The following UGT1A6 variants were observed in gnomAD, a reference collection of about 807,000 sequenced individuals.
UGT1A6 encodes the protein UDP-glucuronosyltransferase 1A6.
A neutral mutation model predicts 44.4 loss-of-function variants in UGT1A6; 32 were observed. The ratio of observed to expected loss-of-function variants is 0.72; its 90% confidence interval spans 0.54 to 0.97. The LOEUF is 0.97. Ranked by LOEUF, UGT1A6 falls within the 50% of genes least tolerant of loss-of-function variation. The pLI, the probability that UGT1A6 is intolerant of heterozygous loss-of-function variation, is 0.00. For synonymous variants in UGT1A6, 238 were observed against 248.5 expected (o/e 0.96, Z 0.40); for missense variants, 685 against 661.9 (o/e 1.03, Z -0.38).
intron 3 of UGT1A6, 27 bp downstream of exon 3, chr2:233,767,963 G>A: frequency 1.2e-6 from 2 of 1,614,136 alleles, no homozygotes; most frequent in Non-Finnish European, 1.7e-6. Context: ...GGATGTATAG[G>A]TCAAACCAGG....
At chr2:233,694,868 T>C (rs2075244485) in intron 1 of UGT1A6, among the ~76,000 whole-genome samples, 3 of 152,222 alleles carry the variant, frequency 2.0e-5, no homozygotes, top group Non-Finnish European at 4.4e-5. Flanking sequence ...ATAATATAGT[T>C]GTACACATTT....
intron 1 of UGT1A6, among the ~76,000 whole-genome samples, chr2:233,705,875 G>C (rs923785055): frequency 6.6e-6 from 1 of 152,126 alleles, no homozygotes; most frequent in Non-Finnish European, 1.5e-5. Flanking sequence ...ATCACTTGAG[G>C]CCAGGAGTTC....
chr2:233,755,082 T>A (rs971081603), intron 1 of UGT1A6: 2 of 1,336,596 alleles, frequency 1.5e-6, no homozygotes, highest in South Asian at 2.3e-5. Flanking sequence ...GTCATAGATA[T>A]CGCGTTTCTA....
At position 233,743,636 on chromosome 2, in the gene UGT1A6, C is replaced by T. The variant is rs764566878; in HGVS notation, c.862-23398C>T. 27 of 1,367,194 alleles carry T rather than the reference C, an allele frequency of 2.0e-5. 2 individuals are homozygous for T. The African/African-American group carries it at 2.2e-4, about 11-fold the overall frequency. The allele number at this position is 1,367,194 out of a possible 1,614,324, so 84.7% of individuals were successfully genotyped here. A position where few individuals can be genotyped will look rare whatever the true frequency, so the allele number is the denominator to read the frequency against. On this transcript the variant is annotated intron_variant, in intron 1 of 4. Transcript: ENST00000305139. Reference sequence around the variant, plus strand: ...CTCCCTGAAGACGTCGGCTGGGTCGCGGAAGCTGAAGACGTACTCGAAGGG... The same window carrying T: ...CTCCCTGAAGACGTCGGCTGGGTCGTGGAAGCTGAAGACGTACTCGAAGGG...
chr2:233,701,221 T>G (rs910268891), intron 1 of UGT1A6, among the ~76,000 whole-genome samples: 4 of 152,182 alleles, frequency 2.6e-5, no homozygotes, highest in Non-Finnish European at 4.4e-5. Context: ...TTATAATCCT[T>G]TGGGTATATA....
intron 1 of UGT1A6, among the ~76,000 whole-genome samples, chr2:233,727,898 G>T (rs1417233158): frequency 6.6e-6 from 1 of 152,198 alleles, no homozygotes; most frequent in Admixed American, 6.5e-5. Flanking sequence ...ACACGGCCAG[G>T]CAAGAAGACA....
intron 1 of UGT1A6, among the ~76,000 whole-genome samples, chr2:233,711,305 A>G (rs1408728006): frequency 6.6e-6 from 1 of 152,220 alleles, no homozygotes; most frequent in African/African-American, 2.4e-5. Context: ...AAATTAGATG[A>G]CATTGGTGTC....
intron 1 of UGT1A6, among the ~76,000 whole-genome samples, chr2:233,709,696 T>C (rs554703505): frequency 1.5e-4 from 23 of 152,216 alleles, no homozygotes; most frequent in Non-Finnish European, 2.6e-4. Flanking sequence ...TGGGAAAATT[T>C]TGTTCTTTTT....
intron 1 of UGT1A6, chr2:233,718,673 G>A (rs1477051570): frequency 1.3e-5 from 21 of 1,556,176 alleles, no homozygotes; most frequent in Non-Finnish European, 1.7e-5. Flanking sequence ...AGATTAATGG[G>A]TAATAAGTAA....
chr2:233,746,671 G>C (rs1345040800), intron 1 of UGT1A6, among the ~76,000 whole-genome samples: 1 of 151,792 alleles, frequency 6.6e-6, no homozygotes, highest in East Asian at 1.9e-4. Flanking sequence ...TCCTAGCATA[G>C]TAGGTAGGGC....
chr2:233,718,959 G>T (rs2076705502), intron 1 of UGT1A6: 9 of 1,614,212 alleles, frequency 5.6e-6, no homozygotes, highest in Non-Finnish European at 7.6e-6. Flanking sequence ...CATGCGGGAG[G>T]CCTTGCGGGA....
intron 1 of UGT1A6, chr2:233,752,620 G>A (rs1390592836): frequency 7.2e-5 from 11 of 152,184 alleles, no homozygotes; most frequent in Non-Finnish European, 2.9e-5. Flanking sequence ...TTAGCTAGGT[G>A]TGGTAGCTGT....
rs144217005 is a variant in UGT1A6 at position 233,760,613 on chromosome 2, T to C, written c.862-6421T>C. The C allele has an allele frequency of 1.5e-4, 247 of 1,614,256 alleles. No individual in the cohort carries two copies. In the African/African-American group the frequency reaches 3.0e-3, roughly 20 times the overall value. On this transcript the variant is annotated intron_variant, in intron 1 of 4. Transcript: ENST00000305139. The stretch of plus-strand genomic sequence containing the variant: ...GAGAATGATTCTTTCCTGCAGCGTG[T>C]GATCAAAACATACAAGAAAATAAAA...
chr2:233,768,376 A>G lies in UGT1A6; in HGVS notation c.1238A>G (p.Asn413Ser). The G allele has an allele frequency of 6.2e-7, 1 of 1,614,182 alleles. No homozygotes were observed. The highest frequency in any genetic ancestry group is 8.5e-7 in the Non-Finnish European group (1 of 1,180,034). ...ACTAAGGGAGCTGGAGTGACCCTGA[A>G]TGTTCTGGAAATGACTTCTGAAGAT... is the stretch of plus-strand genomic sequence containing the variant. ...METKGAGVTLNVLEMTSEDLE... is the reference protein window; with the variant it reads ...METKGAGVTLSVLEMTSEDLE... Residue 413 changes from asparagine (N) to serine (S), a missense_variant, in exon 4 of 5, where the codon AAT becomes AGT. Physicochemically the swap from Asn to Ser is conservative, Grantham distance 46 (BLOSUM62 1). Transcript: ENST00000305139.
chr2:233,743,914 C>T lies in UGT1A6; in HGVS notation c.862-23120C>T, dbSNP rs201448352. On this transcript the variant is annotated intron_variant, in intron 1 of 4. Coordinates refer to ENST00000305139, the MANE Select transcript of UGT1A6 (RefSeq NM_001072.4). ...CGTCCAGCACCTCGTAGTAGTCCAC[C>T]ATGCTGGATGGCCAGAACGGCCCAC... is the stretch of plus-strand genomic sequence containing the variant. 797 of 1,364,624 alleles carry T rather than the reference C, an allele frequency of 5.8e-4. 20 individuals are homozygous for T. In the African/African-American group the frequency reaches 8.5e-3, roughly 15 times the overall value. The allele number at this position is 1,364,624 out of a possible 1,614,324, so 84.5% of individuals were successfully genotyped here.
At chr2:233,765,711 T>TTAATAATAATAA (rs10664358) in intron 1 of UGT1A6, among the ~76,000 whole-genome samples, 10 of 149,240 alleles carry the variant, frequency 6.7e-5, no homozygotes, top group East Asian at 2.0e-4. Flanking sequence ...ATAATAATAA[T>TTAATAATAATAA]TAATAATAAT....
chr2:233,730,157 C>T (rs1042969682), intron 1 of UGT1A6, among the ~76,000 whole-genome samples: 1 of 152,168 alleles, frequency 6.6e-6, no homozygotes, highest in Non-Finnish European at 1.5e-5. Context: ...TAAGGGGTCT[C>T]TAGTAGCGTA....
rs34903743 is a variant in UGT1A6 at position 233,767,311 on chromosome 2, T to G, written c.993+146T>G. 5,888 of 1,514,258 alleles carry G rather than the reference T, an allele frequency of 3.9e-3. 20 individuals carry two copies. Among genetic ancestry groups the G allele is most frequent in the Admixed American group, 4.9e-3 (211 of 43,394 alleles). The allele number at this position is 1,514,258 out of a possible 1,614,324, so 93.8% of individuals were successfully genotyped here. A position where few individuals can be genotyped will look rare whatever the true frequency, so the allele number is the denominator to read the frequency against. On this transcript the variant is annotated intron_variant, in intron 2 of 4. Coordinates refer to ENST00000305139, the MANE Select transcript of UGT1A6 (RefSeq NM_001072.4). Reference sequence around the variant, plus strand: ...CCCAACTATTAATCCAAAGGTTTTTTTTGTTGTTGTGGTTGTTGTCATTGT... The same window carrying G: ...CCCAACTATTAATCCAAAGGTTTTTGTTGTTGTTGTGGTTGTTGTCATTGT...
intron 4 of UGT1A6, among the ~76,000 whole-genome samples, chr2:233,768,835 C>T (rs968956061): frequency 7.9e-5 from 12 of 152,116 alleles, no homozygotes; most frequent in African/African-American, 2.6e-4. Flanking sequence ...CCACCTGCCT[C>T]GGCCTGCCAA....
Sources: gnomAD v4.1 joint callset for allele counts (sites outside exome capture counted in the v4.1 genomes callset) on GRCh38, gnomAD v4.1.1 for gene constraint, MANE v1.5 for transcripts, NCBI Gene and HGNC (gene_info 2026-07-23, HGNC 2026-07-21) for gene names.